The following ADGB variants were observed in gnomAD, a reference collection of about 807,000 sequenced individuals.
The protein encoded by ADGB is calpain-7-like protein.
In ADGB, 172 loss-of-function variants were observed where a neutral mutation model predicts 210.5. The ratio of observed to expected loss-of-function variants is 0.82; its 90% CI spans 0.72 to 0.93. The LOEUF (loss-of-function observed/expected upper bound fraction) is 0.93. Among genes scored for constraint, ADGB ranks in the 40% least tolerant of loss-of-function variants. The pLI, the probability that ADGB is intolerant of heterozygous loss-of-function variation, is 0.00. For synonymous variants in ADGB, 658 were observed against 662.7 expected (o/e 0.99, Z 0.11); for missense variants, 2,025 against 1,964.8 (o/e 1.03, Z -0.58).
chr6:146,697,352 T>C (rs912735610), intron 12 of ADGB, among the ~76,000 whole-genome samples: 2 of 152,192 alleles, frequency 1.3e-5, no homozygotes, highest in Admixed American at 1.3e-4. Context: ...GTTATACACA[T>C]ATATCAAAGA....
Position 146,815,249 on chromosome 6 carries a change from G to A in ADGB, c.*32G>A. 1 of 1,438,946 alleles carries A rather than the reference G, an allele frequency of 6.9e-7. No individual in the cohort carries two copies. 89.1% of individuals were successfully genotyped at this position (1,438,946 alleles called of 1,614,324 possible). On this transcript the variant is annotated 3_prime_UTR_variant, in exon 36 of 36. Coordinates refer to ENST00000397944, the MANE Select transcript of ADGB (RefSeq NM_024694.4). ...GATGTCCAATACTACCCTGCTTCTG[G>A]AGAGAAAAAATCTATTTGTAATGAT...
chr6:146,687,045 A>C (rs1173132194), intron 10 of ADGB, among the ~76,000 whole-genome samples: 1 of 152,044 alleles, frequency 6.6e-6, no homozygotes, highest in Non-Finnish European at 1.5e-5. Flanking sequence ...ACTTTTTTAG[A>C]TAAAAATAAT....
intron 29 of ADGB, among the ~76,000 whole-genome samples, chr6:146,769,902 T>C (rs557604572): frequency 1.6e-4 from 24 of 152,338 alleles, no homozygotes; most frequent in African/African-American, 5.8e-4. Context: ...GTGGGCTTTG[T>C]CATCATTCAG....
intron 5 of ADGB, among the ~76,000 whole-genome samples, chr6:146,663,074 T>C (rs1007621794): frequency 7.0e-6 from 1 of 143,592 alleles, no homozygotes; most frequent in African/African-American, 2.5e-5. Flanking sequence ...ATTAAGGTCA[T>C]ATATTTATAT....
chr6:146,653,381 C>T (rs1377858516), intron 3 of ADGB, among the ~76,000 whole-genome samples: 1 of 152,130 alleles, frequency 6.6e-6, no homozygotes, highest in Non-Finnish European at 1.5e-5. Context: ...AATTGTCTTC[C>T]ATTAGACTGG....
chr6:146,727,263 GC>G (rs35965541), intron 19 of ADGB, among the ~76,000 whole-genome samples: 22,625 of 151,530 alleles, frequency 0.15, 2,031 homozygotes, highest in East Asian at 0.4. Flanking sequence ...CAAGCAGATT[GC>G]CCCCACACAT....
intron 9 of ADGB, among the ~76,000 whole-genome samples, chr6:146,682,815 C>A (rs57031942): frequency 0.029 from 4,464 of 152,130 alleles, 236 homozygotes; most frequent in African/African-American, 0.1. Context: ...ACAAATAATT[C>A]TTATATTTTC....
chr6:146,739,831 T>C (rs1291544676), intron 23 of ADGB, among the ~76,000 whole-genome samples: 4 of 152,004 alleles, frequency 2.6e-5, no homozygotes, highest in Admixed American at 6.5e-5. Flanking sequence ...ACCTGGAAAA[T>C]CCATCACATC....
intron 19 of ADGB, among the ~76,000 whole-genome samples, chr6:146,728,148 T>C (rs1356781016): frequency 6.6e-6 from 1 of 152,050 alleles, no homozygotes. Flanking sequence ...TGCTTTATGA[T>C]TTTTTTTAAG....
chr6:146,714,662 G>A (rs62434374), intron 13 of ADGB, among the ~76,000 whole-genome samples: 45,000 of 152,000 alleles, frequency 0.3, 9,245 homozygotes, highest in African/African-American at 0.59. Context: ...AACCCATGTC[G>A]GTGTTTTAAG....
chr6:146,697,436 A>T (rs903420896), intron 12 of ADGB, among the ~76,000 whole-genome samples: 5 of 152,212 alleles, frequency 3.3e-5, no homozygotes, highest in Non-Finnish European at 5.9e-5. Context: ...GTGAAAATTT[A>T]AAAAAGAAAG....
At chr6:146,761,190 C>A (rs1185805568) in intron 27 of ADGB, among the ~76,000 whole-genome samples, 1 of 151,790 alleles carries the variant, frequency 6.6e-6, no homozygotes, top group Admixed American at 6.6e-5. Flanking sequence ...TATTTTCTTT[C>A]ATGTTTTATT....
At position 146,782,061 on chromosome 6, in the gene ADGB, C is replaced by T; in HGVS notation, c.3904C>T (p.Pro1302Ser). 1 of 1,520,626 alleles carries T rather than the reference C, an allele frequency of 6.6e-7. No homozygotes were observed. The highest frequency in any genetic ancestry group is 8.8e-7 in the Non-Finnish European group (1 of 1,137,028). The allele number at this position is 1,520,626 out of a possible 1,614,324, so 94.2% of individuals were successfully genotyped here. The change falls in exon 30 of 36, where the codon CCA (proline) becomes TCA (serine). Residue 1302 changes from proline to serine, a missense_variant. Pro to Ser is a moderately conservative substitution (Grantham distance 74, BLOSUM62 -1). Transcript: ENST00000397944. ...RHEELINLGS[P>S]DSHTISEGQK... Reference sequence around the variant, plus strand: ...CGAGGAGTTAATTAACTTAGGAAGCCCAGACTCCCACACTATTAGTGAGGG... The same window carrying T: ...CGAGGAGTTAATTAACTTAGGAAGCTCAGACTCCCACACTATTAGTGAGGG...
intron 28 of ADGB, among the ~76,000 whole-genome samples, chr6:146,766,619 T>G (rs1326803085): frequency 1.3e-5 from 2 of 152,020 alleles, no homozygotes; most frequent in African/African-American, 4.8e-5. Context: ...TTCAAAGTCC[T>G]CTAAGTCTTC....
chr6:146,634,766 C>T (rs1167789546), intron 1 of ADGB, among the ~76,000 whole-genome samples: 1 of 151,848 alleles, frequency 6.6e-6, no homozygotes, highest in Non-Finnish European at 1.5e-5. Flanking sequence ...AGAACAACCA[C>T]CATAGTCTTG....
rs1339439975 is a variant in ADGB at position 146,733,156 on chromosome 6, G to C, written c.2557G>C (p.Val853Leu). The C allele has an allele frequency of 3.3e-6, 5 of 1,533,150 alleles. No homozygotes were observed. Among genetic ancestry groups the C allele is most frequent in the Non-Finnish European group, 3.5e-6 (4 of 1,137,124 alleles). The allele number at this position is 1,533,150 out of a possible 1,614,324, so 95.0% of individuals were successfully genotyped here. A position where few individuals can be genotyped will look rare whatever the true frequency, so the allele number is the denominator to read the frequency against. The change falls in exon 21 of 36, where the codon GTT becomes CTT. Residue 853 changes from valine to leucine, a missense_variant. Coordinates refer to ENST00000397944, the MANE Select transcript of ADGB (RefSeq NM_024694.4). Reference sequence around the variant, plus strand: ...TTCCTTATGGCGTTTAATGAAAAAAGTTCAAATAACAAAACCTCCTCCAAA... The same window carrying C: ...TTCCTTATGGCGTTTAATGAAAAAACTTCAAATAACAAAACCTCCTCCAAA... ...HLSLWRLMKK[V>L]QITKPPPNFK...
At chr6:146,732,790 T>G (rs1777013213) in intron 20 of ADGB, among the ~76,000 whole-genome samples, 1 of 152,176 alleles carries the variant, frequency 6.6e-6, no homozygotes, top group Admixed American at 6.6e-5. Context: ...TTAGAATCAA[T>G]AAAATAAGCT....
chr6:146,751,212 TA>T (rs2114611064), intron 26 of ADGB, among the ~76,000 whole-genome samples: 1 of 149,568 alleles, frequency 6.7e-6, no homozygotes, highest in Non-Finnish European at 1.5e-5. Context: ...CTCCCACTTA[TA>T]AGTGAGAATA....
intron 2 of ADGB, chr6:146,638,779 A>G (rs1404006676): frequency 2.0e-5 from 3 of 151,870 alleles, no homozygotes; most frequent in Admixed American, 1.3e-4. Flanking sequence ...TCTTAGAGTT[A>G]TTTCTAAACA....
Sources: gnomAD v4.1 joint callset for allele counts (sites outside exome capture counted in the v4.1 genomes callset) on GRCh38, gnomAD v4.1.1 for gene constraint, MANE v1.5 for transcripts, NCBI Gene and HGNC (gene_info 2026-07-23, HGNC 2026-07-21) for gene names.